ATXN2: variants seen among roughly 807,000 people sequenced by gnomAD.
The protein encoded by ATXN2 is ataxin 2.
In ATXN2, 37 loss-of-function variants were observed where a neutral mutation model predicts 138.6. The observed-to-expected ratio is 0.27, with a 90% CI of 0.21 to 0.35. The LOEUF (loss-of-function observed/expected upper bound fraction) is 0.35, where lower values mean the gene tolerates loss of function less well. Ranked by LOEUF, ATXN2 falls within the 10% of genes least tolerant of loss-of-function variation. The pLI is 1.00. For missense variants in ATXN2, 1,216 were observed against 1,480.3 expected, an observed-to-expected ratio of 0.82 and a Z score of 2.93; for synonymous variants, 549 against 543.7, an observed-to-expected ratio of 1.01 and a Z score of -0.13.
In ATXN2 at chr12:111,542,671, T is replaced by A. The variant is rs185391951; in HGVS notation, c.571+9609A>T. On this transcript the variant is annotated intron_variant, in intron 5 of 24. Transcript: ENST00000673436. ...TTGTAGAGATGGGGTTTTGCCAAGT[T>A]GCCAAGGCGAGTCTTGAACTCCTGA... Among the ~76,000 whole-genome samples the A allele has an allele frequency of 1.1e-4, 16 of 152,166 alleles. No individual in the cohort carries two copies. In the East Asian group the frequency reaches 3.1e-3, roughly 30 times the overall value.
intron 5 of ATXN2, among the ~76,000 whole-genome samples, chr12:111,538,525 A>AT (rs1438981767): frequency 2.3e-5 from 3 of 132,876 alleles, no homozygotes; most frequent in South Asian, 2.3e-4. Flanking sequence ...TACTTTTTGT[A>AT]TTTTTTTTGT....
At chr12:111,472,274 G>C (rs187304063) in intron 18 of ATXN2, among the ~76,000 whole-genome samples, 3 of 151,856 alleles carry the variant, frequency 2.0e-5, no homozygotes, top group Non-Finnish European at 4.4e-5. Context: ...CTCAAAAAAG[G>C]GGAGGGTAGG....
intron 1 of ATXN2, among the ~76,000 whole-genome samples, chr12:111,563,152 C>G (rs974556885): frequency 6.6e-6 from 1 of 152,128 alleles, no homozygotes. Flanking sequence ...AACCTGTAAT[C>G]TTCAAAAGTG....
intron 6 of ATXN2, among the ~76,000 whole-genome samples, chr12:111,524,363 C>G (rs1192256051): frequency 6.6e-6 from 1 of 152,182 alleles, no homozygotes; most frequent in African/African-American, 2.4e-5. Context: ...CTTCATTCTA[C>G]TCAAATATTG....
chr12:111,572,401 C>CAAA (rs11449224), intron 1 of ATXN2, among the ~76,000 whole-genome samples: 1 of 136,748 alleles, frequency 7.3e-6, no homozygotes, highest in Non-Finnish European at 1.6e-5. Flanking sequence ...AACTCCATCT[C>CAAA]AAAAAAAAAA....
At chr12:111,548,256 T>C (rs1881939363) in intron 5 of ATXN2, among the ~76,000 whole-genome samples, 1 of 152,156 alleles carries the variant, frequency 6.6e-6, no homozygotes. Flanking sequence ...CCAAACCACA[T>C]AATTTATGTC....
Position 111,487,278 on chromosome 12 carries a change from G to A in ATXN2, c.2241-454C>T, listed in dbSNP as rs560371411. On this transcript the variant is annotated intron_variant, in intron 15 of 24. Coordinates refer to ENST00000673436, the MANE Select transcript of ATXN2 (RefSeq NM_001372574.1). ...TAATATTTATTTTTAGTAAAGATGGGGTTTCACCATTTTGGCCACGCTGAC... is the reference window on the plus strand; with the variant it reads ...TAATATTTATTTTTAGTAAAGATGGAGTTTCACCATTTTGGCCACGCTGAC... 1.5e-3 allele frequency among the ~76,000 whole-genome samples: 227 copies of A among 151,878 alleles called. 1 individual carries two copies. Among genetic ancestry groups the A allele is most frequent in the Non-Finnish European group, 2.6e-3 (179 of 67,956 alleles).
At chr12:111,554,962 T>C (rs1882314853) in intron 2 of ATXN2, among the ~76,000 whole-genome samples, 1 of 152,212 alleles carries the variant, frequency 6.6e-6, no homozygotes, top group Non-Finnish European at 1.5e-5. Context: ...TACTACCATA[T>C]ACGTGTATAT....
intron 20 of ATXN2, among the ~76,000 whole-genome samples, chr12:111,467,417 A>G (rs2135670093): frequency 7.0e-6 from 1 of 142,250 alleles, no homozygotes; most frequent in East Asian, 2.1e-4. Flanking sequence ...AGCCTCCCCA[A>G]GTTCTTGGAT....
chr12:111,574,141 A>C (rs150608734), intron 1 of ATXN2, among the ~76,000 whole-genome samples: 1 of 151,384 alleles, frequency 6.6e-6, no homozygotes, highest in African/African-American at 2.4e-5. Context: ...CCTCATCTCT[A>C]CCAAAAATAC....
At chr12:111,549,430 G>A (rs1882004654) in intron 5 of ATXN2, among the ~76,000 whole-genome samples, 1 of 151,926 alleles carries the variant, frequency 6.6e-6, no homozygotes, top group African/African-American at 2.4e-5. Flanking sequence ...CAGCTACTCG[G>A]GAGGCTGAGG....
intron 18 of ATXN2, among the ~76,000 whole-genome samples, chr12:111,478,163 T>C (rs899604407): frequency 4.0e-5 from 6 of 151,858 alleles, no homozygotes; most frequent in African/African-American, 1.5e-4. Flanking sequence ...TCTCAGCACT[T>C]TGGGAGGCCG....
chr12:111,595,640 C>CAA (rs35562762), intron 1 of ATXN2, among the ~76,000 whole-genome samples: 19 of 79,610 alleles, frequency 2.4e-4, no homozygotes, highest in Admixed American at 5.1e-4. Flanking sequence ...GACTCTGTCT[C>CAA]AAAAAAAAAA....
At chr12:111,567,098 T>C (rs1293579518) in intron 1 of ATXN2, among the ~76,000 whole-genome samples, 1 of 152,212 alleles carries the variant, frequency 6.6e-6, no homozygotes, top group African/African-American at 2.4e-5. Flanking sequence ...CTTGAATAGA[T>C]GAGGTGTTGC....
At chr12:111,503,364 T>G (rs1878901916) in intron 14 of ATXN2, among the ~76,000 whole-genome samples, 1 of 152,196 alleles carries the variant, frequency 6.6e-6, no homozygotes, top group Admixed American at 6.5e-5. Context: ...ATTACTTAAC[T>G]TCTCTTTGCC....
At chr12:111,593,828 C>T (rs1884797314) in intron 1 of ATXN2, among the ~76,000 whole-genome samples, 1 of 152,186 alleles carries the variant, frequency 6.6e-6, no homozygotes, top group Non-Finnish European at 1.5e-5. Context: ...GGTCTAACTT[C>T]AGAGATGGTT....
At chr12:111,537,582 C>CCAA (rs1555237820) in intron 5 of ATXN2, among the ~76,000 whole-genome samples, 25 of 96,800 alleles carry the variant, frequency 2.6e-4, no homozygotes, top group African/African-American at 8.2e-4. Flanking sequence ...GACTCTGTTT[C>CCAA]AAAAAAAAAA....
intron 14 of ATXN2, among the ~76,000 whole-genome samples, chr12:111,497,413 A>G (rs1012571754): frequency 6.6e-6 from 1 of 152,154 alleles, no homozygotes; most frequent in Non-Finnish European, 1.5e-5. Context: ...ACCAAAGGAC[A>G]CATCAAAAAG....
chr12:111,598,248 T>C lies in ATXN2; in HGVS notation c.251+536A>G, dbSNP rs1038527590. 1 of 1,033,546 alleles carries C rather than the reference T, an allele frequency of 9.7e-7. No homozygotes were observed. The highest frequency in any genetic ancestry group is 1.7e-5 in the African/African-American group (1 of 58,226). 64.0% of individuals were successfully genotyped at this position (1,033,546 alleles called of 1,614,324 possible). A position where few individuals can be genotyped will look rare whatever the true frequency, so the allele number is the denominator to read the frequency against. ...GGGAGAGAGCCCCGACAGACCCTGA[T>C]GATTCCGGAGGAGCCCGGTGCCTAC... On this transcript the variant is annotated intron_variant, in intron 1 of 24. Transcript: ENST00000673436. The surrounding 1 kb of genome is among the most constrained non-coding windows in gnomAD (Gnocchi z 4.5).
Sources: allele counts gnomAD v4.1 joint callset (sites outside exome capture counted in the v4.1 genomes callset), GRCh38; gene constraint gnomAD v4.1.1; non-coding constraint Gnocchi (gnomAD v3.1); transcripts MANE v1.5; gene names NCBI Gene and HGNC (gene_info 2026-07-23, HGNC 2026-07-21).